ZMYM2: variants seen among roughly 807,000 people sequenced by gnomAD.
ZMYM2 encodes zinc finger MYM-type containing 2.
ZMYM2 carries 56 observed loss-of-function variants against 162.8 expected under a neutral mutation model. The ratio of observed to expected loss-of-function variants is 0.34; its 90% CI spans 0.28 to 0.43. The LOEUF is 0.43. Among genes scored for constraint, ZMYM2 ranks in the 20% least tolerant of loss-of-function variants. The pLI, the probability that ZMYM2 is intolerant of heterozygous loss-of-function variation, is 1.00. For synonymous variants in ZMYM2, 510 were observed against 541.6 expected, an observed-to-expected ratio of 0.94 and a Z score of 0.81; for missense variants, 1,275 against 1,621.8, an observed-to-expected ratio of 0.79 and a Z score of 3.67.
intron 19 of ZMYM2, among the ~76,000 whole-genome samples, chr13:20,065,983 T>C (rs774567839): frequency 1.3e-5 from 2 of 152,224 alleles, no homozygotes; most frequent in Non-Finnish European, 2.9e-5. Context: ...ATTTAGATTA[T>C]TAGTTTATTG....
intron 16 of ZMYM2, among the ~76,000 whole-genome samples, chr13:20,060,092 G>A (rs2140756964): frequency 6.6e-6 from 1 of 152,292 alleles, no homozygotes; most frequent in Admixed American, 6.5e-5. Flanking sequence ...AAGGCTGACT[G>A]TAGGGGTGTG....
intron 21 of ZMYM2, among the ~76,000 whole-genome samples, chr13:20,075,669 C>CTTTTTTTTTT (rs1566463477): frequency 1.8e-5 from 2 of 109,326 alleles, no homozygotes; most frequent in South Asian, 2.8e-4. Flanking sequence ...ACTATAGACA[C>CTTTTTTTTTT]CTTTTTTTTT....
At chr13:19,977,827 A>T (rs1225033945) in intron 2 of ZMYM2, among the ~76,000 whole-genome samples, 2 of 150,648 alleles carry the variant, frequency 1.3e-5, no homozygotes, top group African/African-American at 4.9e-5. Context: ...TTTTTATGTT[A>T]AATTTTTCTC....
intron 2 of ZMYM2, among the ~76,000 whole-genome samples, chr13:19,979,554 G>C (rs1011396073): frequency 1.3e-5 from 2 of 151,654 alleles, no homozygotes; most frequent in Non-Finnish European, 2.9e-5. Flanking sequence ...AGAGAAAAGA[G>C]AAAATGGTCA....
At chr13:19,953,247 G>A in the ZMYM2 span, among the ~76,000 whole-genome samples, 1 of 152,128 alleles carries the variant, frequency 6.6e-6, no homozygotes, top group African/African-American at 2.4e-5. Flanking sequence ...AGTGGAATTA[G>A]CATTAACTTC....
chr13:19,906,284 G>GTATATATA, the ZMYM2 span, among the ~76,000 whole-genome samples: 6,823 of 63,296 alleles, frequency 0.11, 877 homozygotes, highest in Non-Finnish European at 0.13. Context: ...TCAAAAAAAA[G>GTATATATA]TATATATATA....
chr13:19,935,704 G>A, the ZMYM2 span, among the ~76,000 whole-genome samples: 5 of 151,888 alleles, frequency 3.3e-5, no homozygotes, highest in African/African-American at 1.2e-4. Flanking sequence ...GGGGTGCAGT[G>A]GCGAGATCTC....
the ZMYM2 span, among the ~76,000 whole-genome samples, chr13:19,878,983 T>G: frequency 6.6e-6 from 1 of 152,310 alleles, no homozygotes; most frequent in Middle Eastern, 3.4e-3. Context: ...GCAAAAAAAT[T>G]TTTAATTTTT....
intron 10 of ZMYM2, among the ~76,000 whole-genome samples, chr13:20,033,878 GA>G (rs1953431602): frequency 1.3e-5 from 2 of 152,134 alleles, no homozygotes. Context: ...ACTCAACAAA[GA>G]ATTTTTCTTT....
the ZMYM2 span, among the ~76,000 whole-genome samples, chr13:19,896,328 G>C: frequency 1.3e-5 from 2 of 151,194 alleles, no homozygotes; most frequent in Admixed American, 6.6e-5. Flanking sequence ...ATTTTTAGTA[G>C]AGACGGGGTT....
chr13:19,993,621 G>C lies in ZMYM2; in HGVS notation c.549G>C (p.Gln183His), dbSNP rs758682780. 21 of 1,614,168 alleles carry C rather than the reference G, an allele frequency of 1.3e-5. No homozygotes were observed. Among genetic ancestry groups the C allele is most frequent in the Non-Finnish European group, 1.8e-5 (21 of 1,180,006 alleles). The change falls in exon 3 of 25, where the codon CAG becomes CAC. Residue 183 changes from glutamine (Q) to histidine (H), a missense_variant. Gln to His is a conservative substitution (Grantham distance 24, BLOSUM62 0). Transcript: ENST00000610343. Reference protein sequence around the residue: ...GITTEPDSEIQIANVTTLETG... With the variant: ...GITTEPDSEIHIANVTTLETG... Reference sequence around the variant, plus strand: ...CCACAGAACCAGACTCTGAAATTCAGATTGCTAATGTTACAACTTTAGAAA... The same window carrying C: ...CCACAGAACCAGACTCTGAAATTCACATTGCTAATGTTACAACTTTAGAAA...
chr13:19,927,808 A>T, the ZMYM2 span, among the ~76,000 whole-genome samples: 1 of 152,282 alleles, frequency 6.6e-6, no homozygotes, highest in Non-Finnish European at 1.5e-5. Flanking sequence ...AACATTTTAT[A>T]TTGTTGAATA....
At chr13:19,878,765 A>G in the ZMYM2 span, among the ~76,000 whole-genome samples, 1 of 152,040 alleles carries the variant, frequency 6.6e-6, no homozygotes, top group East Asian at 1.9e-4. Context: ...CGGGTGATCC[A>G]CCTACCTCGG....
chr13:20,046,581 ATGTGTG>A (rs1249162923), intron 12 of ZMYM2, among the ~76,000 whole-genome samples: 17 of 117,504 alleles, frequency 1.4e-4, no homozygotes, highest in South Asian at 1.1e-3. Flanking sequence ...ATATATATAT[ATGTGTG>A]TGTGTGTGTG....
the ZMYM2 span, among the ~76,000 whole-genome samples, chr13:19,930,544 T>C: frequency 1.3e-5 from 2 of 151,754 alleles, no homozygotes; most frequent in African/African-American, 4.8e-5. Context: ...TATTTATCTA[T>C]TTATTTGTTT....
intron 22 of ZMYM2, 119 bp downstream of exon 22, chr13:20,082,249 TACTC>T (rs947989355): frequency 4.1e-5 from 31 of 763,298 alleles, no homozygotes; most frequent in South Asian, 2.0e-4. Context: ...TCTGAACACT[TACTC>T]GAGCTCATCT....
chr13:19,875,169 G>A, the ZMYM2 span, among the ~76,000 whole-genome samples: 1 of 152,132 alleles, frequency 6.6e-6, no homozygotes, highest in Non-Finnish European at 1.5e-5. Flanking sequence ...CCAGCAGATT[G>A]GATAGAGACA....
chr13:19,883,632 C>T, the ZMYM2 span, among the ~76,000 whole-genome samples: 29 of 152,060 alleles, frequency 1.9e-4, no homozygotes, highest in Non-Finnish European at 2.2e-4. Flanking sequence ...AAAATCTTTC[C>T]TTTTTGTCTT....
the ZMYM2 span, among the ~76,000 whole-genome samples, chr13:19,917,256 C>A: frequency 6.6e-6 from 1 of 152,068 alleles, no homozygotes; most frequent in Non-Finnish European, 1.5e-5. Context: ...GCCACCACGC[C>A]CGGCTTGAAG....
Sources: gnomAD v4.1 joint callset for allele counts (sites outside exome capture counted in the v4.1 genomes callset) on GRCh38, gnomAD v4.1.1 for gene constraint, MANE v1.5 for transcripts, NCBI Gene and HGNC (gene_info 2026-07-23, HGNC 2026-07-21) for gene names.